LRRIQ1: variants seen among roughly 807,000 people sequenced by gnomAD.
LRRIQ1 encodes leucine rich repeats and IQ motif containing 1, also known as leucine-rich repeat- and IQ domain-containing protein 1.
LRRIQ1 carries 210 observed loss-of-function variants against 211.9 expected under a neutral mutation model. The ratio of observed to expected loss-of-function variants is 0.99; its 90% confidence interval spans 0.89 to 1.11. The LOEUF is 1.11. LRRIQ1 is among the 50% of genes most tolerant of loss of function. The pLI is 0.00. For synonymous variants in LRRIQ1, 699 were observed against 650.1 expected (o/e 1.08, Z -1.14); for missense variants, 2,136 against 1,939.5 (o/e 1.10, Z -1.90).
intron 23 of LRRIQ1, chr12:85,159,428 A>T (rs1318651124): frequency 6.6e-6 from 1 of 152,002 alleles, no homozygotes; most frequent in Non-Finnish European, 1.5e-5. Context: ...ACCTACACAA[A>T]TGTGTGCATG....
chr12:85,047,929 C>T, intron 6 of LRRIQ1: 1 of 156,148 alleles, frequency 6.4e-6, no homozygotes. Context: ...CTTGAACTGG[C>T]AACTTTTTGG....
intron 24 of LRRIQ1, among the ~76,000 whole-genome samples, chr12:85,174,470 C>G (rs1358834141): frequency 6.7e-6 from 1 of 150,284 alleles, no homozygotes; most frequent in African/African-American, 2.5e-5. Context: ...CCAAGGTGGG[C>G]AGATAGTTGA....
At chr12:85,057,287 T>C (rs1881236585) in intron 8 of LRRIQ1, 103 bp downstream of exon 8, 3 of 933,894 alleles carry the variant, frequency 3.2e-6, no homozygotes, top group Non-Finnish European at 4.5e-6. Flanking sequence ...ATACAAGAAT[T>C]GTCTCTTGTT....
chr12:85,247,869 C>G (rs991166273), downstream of LRRIQ1, among the ~76,000 whole-genome samples: 2 of 151,488 alleles, frequency 1.3e-5, no homozygotes, highest in African/African-American at 4.8e-5. Flanking sequence ...TAGAAAACTT[C>G]CTAAATGTTC....
chr12:85,040,677 T>G, intron 3 of LRRIQ1, 76 bp downstream of exon 3: 1 of 815,022 alleles, frequency 1.2e-6, no homozygotes, highest in Non-Finnish European at 2.0e-6. Context: ...TAAACTAAAG[T>G]GCTTAAAGTT....
At chr12:85,172,980 A>C (rs1433934578) in intron 24 of LRRIQ1, among the ~76,000 whole-genome samples, 2 of 151,914 alleles carry the variant, frequency 1.3e-5, no homozygotes, top group Non-Finnish European at 2.9e-5. Context: ...ATGGTGGTGC[A>C]CACCTGTAGT....
At chr12:85,232,243 TATC>T (rs934133604) in intron 25 of LRRIQ1, among the ~76,000 whole-genome samples, 23 of 152,046 alleles carry the variant, frequency 1.5e-4, no homozygotes, top group Non-Finnish European at 2.8e-4. Context: ...AAAAGCCAAA[TATC>T]ATTGTTCTAG....
intron 3 of LRRIQ1, 99 bp downstream of exon 3, chr12:85,040,700 T>A: frequency 3.3e-6 from 2 of 608,992 alleles, no homozygotes; most frequent in Admixed American, 2.8e-5. Flanking sequence ...TATCTCTTAC[T>A]GTGCACATGT....
chr12:85,110,239 A>C (rs923750143), intron 15 of LRRIQ1, among the ~76,000 whole-genome samples: 1 of 152,100 alleles, frequency 6.6e-6, no homozygotes, highest in African/African-American at 2.4e-5. Flanking sequence ...ATTTAATGTA[A>C]CCCATAATTT....
rs1407888473 is a variant in LRRIQ1 at position 85,036,362 on chromosome 12, A to G, written c.-70A>G. Reference sequence around the variant, plus strand: ...CATGGATACGCTTTGTGTAGCGGCTATGGGCGCTGTCTTACAACAAAGCCA... The same window carrying G: ...CATGGATACGCTTTGTGTAGCGGCTGTGGGCGCTGTCTTACAACAAAGCCA... On this transcript the variant is annotated 5_prime_UTR_variant, in exon 1 of 27. It removes an upstream start codon present in the reference 5' UTR. Transcript: ENST00000393217. 2 of 152,128 alleles carry G rather than the reference A, an allele frequency of 1.3e-5. No homozygotes were observed. Among genetic ancestry groups the G allele is most frequent in the Non-Finnish European group, 2.9e-5 (2 of 68,040 alleles). The allele number at this position is 152,128 out of a possible 1,614,324, so 9.4% of individuals were successfully genotyped here. A position where few individuals can be genotyped will look rare whatever the true frequency, so the allele number is the denominator to read the frequency against.
intron 25 of LRRIQ1, 35 bp downstream of exon 25, chr12:85,229,684 T>A (rs1451940317): frequency 6.3e-7 from 1 of 1,583,374 alleles, no homozygotes; most frequent in Non-Finnish European, 8.6e-7. Flanking sequence ...ATTTTTGTAT[T>A]GTAAACACAT....
At chr12:85,153,635 G>C (rs1352682311) in intron 21 of LRRIQ1, 28 bp from the exon 22 acceptor site, 3 of 1,432,224 alleles carry the variant, frequency 2.1e-6, no homozygotes, top group East Asian at 4.7e-5. Context: ...TGTTGATTCA[G>C]TTAAAAGTGG....
intron 26 of LRRIQ1, among the ~76,000 whole-genome samples, chr12:85,238,790 T>G (rs2137241583): frequency 6.6e-6 from 1 of 152,150 alleles, no homozygotes; most frequent in South Asian, 2.1e-4. Flanking sequence ...GTATCTAATA[T>G]CAGGAACAAG....
At chr12:85,242,585 A>G (rs1286106071) in intron 26 of LRRIQ1, among the ~76,000 whole-genome samples, 2 of 151,966 alleles carry the variant, frequency 1.3e-5, no homozygotes, top group African/African-American at 4.8e-5. Context: ...TTTACATGAC[A>G]TTGAAGAAAA....
At chr12:85,176,064 G>A (rs994673043) in intron 24 of LRRIQ1, among the ~76,000 whole-genome samples, 1 of 152,062 alleles carries the variant, frequency 6.6e-6, no homozygotes, top group Non-Finnish European at 1.5e-5. Flanking sequence ...TAGCTTGATG[G>A]GGATGGCATT....
At chr12:85,249,796 TAATA>T (rs1895851197), downstream of LRRIQ1, among the ~76,000 whole-genome samples, 1 of 151,926 alleles carries the variant, frequency 6.6e-6, no homozygotes, top group African/African-American at 2.4e-5. Context: ...AGATTTAGAT[TAATA>T]AATTGTTGCA....
At chr12:85,049,624 T>G (rs1880060628) in intron 6 of LRRIQ1, among the ~76,000 whole-genome samples, 1 of 152,204 alleles carries the variant, frequency 6.6e-6, no homozygotes, top group East Asian at 1.9e-4. Flanking sequence ...TATGTTTTTC[T>G]TTAGCTGTTC....
chr12:85,252,329 A>G (rs1164733761), intron 1 of LRRIQ1, among the ~76,000 whole-genome samples: 1 of 151,938 alleles, frequency 6.6e-6, no homozygotes, highest in Non-Finnish European at 1.5e-5. Flanking sequence ...TTTGAAAATG[A>G]TATTTTAGTT....
rs138568369 is a variant in LRRIQ1 at position 85,124,137 on chromosome 12, A to G, written c.3625A>G (p.Thr1209Ala). 2 of 1,614,090 alleles carry G rather than the reference A, an allele frequency of 1.2e-6. No individual in the cohort carries two copies. Among genetic ancestry groups the G allele is most frequent in the South Asian group, 1.1e-5 (1 of 91,086 alleles). ...TTTTAAGAAATTGATGATACTTAGT[A>G]CTGAATACCGACATGCACACGAACG... Reference protein sequence around the residue: ...HYFKKLMILSTEYRHAHERGD... With the variant: ...HYFKKLMILSAEYRHAHERGD... The change falls in exon 17 of 27, where the codon ACT (threonine) becomes GCT (alanine). Residue 1209 changes from threonine (T) to alanine (A), a missense_variant. Coordinates refer to ENST00000393217, the MANE Select transcript of LRRIQ1 (RefSeq NM_001079910.2).
Sources: gnomAD v4.1 joint callset for allele counts (sites outside exome capture counted in the v4.1 genomes callset) on GRCh38, gnomAD v4.1.1 for gene constraint, MANE v1.5 for transcripts, NCBI Gene and HGNC (gene_info 2026-07-23, HGNC 2026-07-21) for gene names.